MATN2: variants seen among roughly 807,000 people sequenced by gnomAD.
MATN2 encodes matrilin 2, also known as matrilin-2.
MATN2 carries 69 observed loss-of-function variants against 103.2 expected under a neutral mutation model. That is an observed-to-expected ratio of 0.67 (90% CI 0.55 to 0.82). The LOEUF is 0.82. Among genes scored for constraint, MATN2 ranks in the 40% least tolerant of loss-of-function variants. MATN2 has a pLI of 0.00. For synonymous variants in MATN2, 429 were observed against 450.2 expected (o/e 0.95, Z 0.60); for missense variants, 1,023 against 1,211.5 (o/e 0.84, Z 2.31).
At chr8:97,971,624 A>G (rs1450048740) in intron 5 of MATN2, among the ~76,000 whole-genome samples, 2 of 152,206 alleles carry the variant, frequency 1.3e-5, no homozygotes, top group Non-Finnish European at 2.9e-5. Context: ...AGATTTCTGA[A>G]CATGAATTTT....
rs576772359 is a variant in MATN2, at chr8:97,880,837, T to C, written c.-26-7238T>C. Among the ~76,000 whole-genome samples, 6 of 152,240 alleles carry C rather than the reference T, an allele frequency of 3.9e-5. No homozygotes were observed. The East Asian group carries it at 1.2e-3, about 29-fold the overall frequency. ...GCCTCAAGTGATGCATCCTTCTTGG[T>C]CTCCCAAAGTTCTGGGATTACAGGC... On this transcript the variant is annotated intron_variant, in intron 1 of 18. Coordinates refer to ENST00000254898, the MANE Select transcript of MATN2 (RefSeq NM_002380.5).
chr8:97,886,325 C>A (rs76882006), intron 1 of MATN2, among the ~76,000 whole-genome samples: 5 of 152,060 alleles, frequency 3.3e-5, no homozygotes, highest in Admixed American at 6.6e-5. Flanking sequence ...TGAATCATCC[C>A]AAAACCACCC....
chr8:97,935,074 A>G lies in MATN2; in HGVS notation c.712+3552A>G, dbSNP rs375938895. On this transcript the variant is annotated intron_variant, in intron 3 of 18. Coordinates refer to ENST00000254898, the MANE Select transcript of MATN2 (RefSeq NM_002380.5). Reference sequence around the variant, plus strand: ...AATACTTAAAATAGCCGTTTGAGATAGGTACTATCATTATCTTTTTTTTTT... The same window carrying G: ...AATACTTAAAATAGCCGTTTGAGATGGGTACTATCATTATCTTTTTTTTTT... 1.2e-4 allele frequency among the ~76,000 whole-genome samples: 18 copies of G among 152,108 alleles called. 1 individual carries two copies. Among genetic ancestry groups the G allele is most frequent in the East Asian group, 7.7e-4 (4 of 5,200 alleles).
At chr8:97,882,166 TGCC>T (rs1818279519) in intron 1 of MATN2, among the ~76,000 whole-genome samples, 3 of 151,584 alleles carry the variant, frequency 2.0e-5, no homozygotes, top group African/African-American at 7.3e-5. Context: ...TCAGGTGATC[TGCC>T]CGCCTCAGCT....
At chr8:97,921,815 C>T (rs535912097) in intron 2 of MATN2, among the ~76,000 whole-genome samples, 1 of 152,268 alleles carries the variant, frequency 6.6e-6, no homozygotes, top group South Asian at 2.1e-4. Flanking sequence ...TTTGACAAGC[C>T]CATGTAGTTC....
At chr8:97,937,813 A>T (rs1409685169) in intron 3 of MATN2, among the ~76,000 whole-genome samples, 1 of 151,944 alleles carries the variant, frequency 6.6e-6, no homozygotes, top group East Asian at 1.9e-4. Flanking sequence ...TCCTGGACTC[A>T]AGTGATCTGC....
intron 13 of MATN2, 125 bp downstream of exon 13, chr8:98,021,452 T>G: frequency 9.5e-7 from 1 of 1,054,018 alleles, no homozygotes. Context: ...TATGCACAAA[T>G]ACAGAATGGG....
chr8:98,032,787 C>G (rs111236231), intron 16 of MATN2, among the ~76,000 whole-genome samples: 1 of 152,144 alleles, frequency 6.6e-6, no homozygotes, highest in African/African-American at 2.4e-5. Context: ...CCACCTTGGC[C>G]TCCCAAAGTG....
intron 5 of MATN2, among the ~76,000 whole-genome samples, chr8:97,972,267 G>A (rs544564227): frequency 6.6e-6 from 1 of 151,554 alleles, no homozygotes; most frequent in South Asian, 2.1e-4. Context: ...GAGTCTGGGA[G>A]GGCTGAGGTT....
intron 3 of MATN2, among the ~76,000 whole-genome samples, chr8:97,937,960 C>T (rs1008820119): frequency 6.6e-5 from 10 of 152,148 alleles, no homozygotes; most frequent in Non-Finnish European, 1.3e-4. Flanking sequence ...AGTGGCGAAG[C>T]TGAGCCTTCA....
intron 5 of MATN2, among the ~76,000 whole-genome samples, chr8:97,973,443 T>C (rs1221879756): frequency 1.3e-5 from 2 of 152,198 alleles, no homozygotes; most frequent in African/African-American, 4.8e-5. Context: ...AAAAACTATA[T>C]ATGCAAACCC....
intron 10 of MATN2, among the ~76,000 whole-genome samples, chr8:98,010,766 G>A (rs1227253941): frequency 1.3e-5 from 2 of 152,144 alleles, no homozygotes; most frequent in Non-Finnish European, 2.9e-5. Flanking sequence ...TCTGCAAGCG[G>A]AGGACACCAA....
rs1464236046 is a variant in MATN2 at position 97,982,226 on chromosome 8, C to T, written c.1081+3218C>T. On this transcript the variant is annotated intron_variant, in intron 6 of 18. Transcript: ENST00000254898. The surrounding 1 kb of genome is among the most constrained non-coding windows in gnomAD (Gnocchi z 4.3). ...AAGAGTAGAAAATAAGGCAAAAGCC[C>T]AGTCGTAAGAATGAAACACTCAGGA... Among the ~76,000 whole-genome samples the T allele has an allele frequency of 1.3e-5, 2 of 152,172 alleles. No homozygotes were observed. Among genetic ancestry groups the T allele is most frequent in the African/African-American group, 4.8e-5 (2 of 41,438 alleles).
chr8:97,870,329 A>G (rs150341298), intron 1 of MATN2, among the ~76,000 whole-genome samples: 4,546 of 151,876 alleles, frequency 0.03, 103 homozygotes, highest in African/African-American at 0.062. Context: ...GACCAGCCTG[A>G]CCAACATGGA....
At chr8:97,918,914 G>A (rs1051414100) in intron 2 of MATN2, among the ~76,000 whole-genome samples, 2 of 152,202 alleles carry the variant, frequency 1.3e-5, no homozygotes, top group South Asian at 2.1e-4. Flanking sequence ...TACAAGTGGA[G>A]GGTAACAGTG....
intron 5 of MATN2, among the ~76,000 whole-genome samples, chr8:97,975,715 C>T (rs1043433810): frequency 6.6e-6 from 1 of 152,170 alleles, no homozygotes; most frequent in African/African-American, 2.4e-5. Context: ...GGGAGATTTT[C>T]ATCATGGTGA....
chr8:97,989,045 CTCAA>C (rs1463928363), intron 6 of MATN2, among the ~76,000 whole-genome samples: 1 of 152,162 alleles, frequency 6.6e-6, no homozygotes. Flanking sequence ...ACATTCAAAA[CTCAA>C]TCAATGTAAT....
At chr8:98,002,876 T>G (rs1812832199) in intron 7 of MATN2, among the ~76,000 whole-genome samples, 1 of 152,090 alleles carries the variant, frequency 6.6e-6, no homozygotes, top group African/African-American at 2.4e-5. Flanking sequence ...CCTTGTCACC[T>G]CCACCAACAT....
At chr8:97,990,875 GC>G (rs1230564403) in intron 6 of MATN2, among the ~76,000 whole-genome samples, 1 of 152,184 alleles carries the variant, frequency 6.6e-6, no homozygotes, top group Non-Finnish European at 1.5e-5. Flanking sequence ...GAATGAATTA[GC>G]AAGAGACAGG....
Sources: gnomAD v4.1 joint callset for allele counts (sites outside exome capture counted in the v4.1 genomes callset) on GRCh38, gnomAD v4.1.1 for gene constraint, Gnocchi (gnomAD v3.1) non-coding constraint, MANE v1.5 for transcripts, NCBI Gene and HGNC (gene_info 2026-07-23, HGNC 2026-07-21) for gene names.